CASZ1: variants seen among roughly 807,000 people sequenced by gnomAD.
CASZ1 encodes zinc finger protein castor homolog 1.
CASZ1 carries 28 observed loss-of-function variants against 135.2 expected under a neutral mutation model. That is an observed-to-expected ratio of 0.21 (90% CI 0.15 to 0.28). The LOEUF (loss-of-function observed/expected upper bound fraction) is 0.28, where lower values mean the gene tolerates loss of function less well. Ranked by LOEUF, CASZ1 falls within the 10% of genes least tolerant of loss-of-function variation. The probability of loss-of-function intolerance (pLI) is 1.00; values close to 1 mark genes in which losing one functional copy is unlikely to be tolerated. For synonymous variants in CASZ1, 1,068 were observed against 1,073.4 expected (o/e 0.99, Z 0.10); for missense variants, 2,161 against 2,453.3 (o/e 0.88, Z 2.52).
chr1:10,795,147 C>T (rs574632598), intron 1 of CASZ1, among the ~76,000 whole-genome samples: 43 of 152,278 alleles, frequency 2.8e-4, no homozygotes, highest in African/African-American at 9.1e-4. Context: ...TCACCCCGGG[C>T]GCACGAATCG....
chr1:10,645,253 G>A lies in CASZ1; in HGVS notation c.3697-165C>T, dbSNP rs115244300. 9.6e-3 allele frequency among the ~76,000 whole-genome samples: 1,455 copies of A among 152,326 alleles called. 35 individuals carry two copies. Among genetic ancestry groups the A allele is most frequent in the African/African-American group, 0.033 (1,372 of 41,572 alleles). ...ACATGTTAAAAAGCAGCGCAGGGCC[G>A]GGCGCGGTGGCTCACGCCTATAATC... On this transcript the variant is annotated intron_variant, in intron 17 of 20. Coordinates refer to ENST00000377022, the MANE Select transcript of CASZ1 (RefSeq NM_001079843.3).
At chr1:10,730,874 G>C (rs533410588) in intron 2 of CASZ1, among the ~76,000 whole-genome samples, 3 of 152,318 alleles carry the variant, frequency 2.0e-5, no homozygotes, top group African/African-American at 7.2e-5. Flanking sequence ...TTGGGAGGCT[G>C]AGGTGGGTGG....
At chr1:10,684,319 G>T (rs1016605221) in intron 4 of CASZ1, among the ~76,000 whole-genome samples, 3 of 152,162 alleles carry the variant, frequency 2.0e-5, no homozygotes, top group Non-Finnish European at 4.4e-5. Flanking sequence ...TTCTAGGCCG[G>T]GTCAAGCTTC....
chr1:10,781,223 C>A (rs1350933014), intron 1 of CASZ1, among the ~76,000 whole-genome samples: 1 of 152,242 alleles, frequency 6.6e-6, no homozygotes, highest in Non-Finnish European at 1.5e-5. Flanking sequence ...AGCACAGGCC[C>A]AGGCCAGCCC....
In CASZ1 at chr1:10,794,182, T is replaced by C. The variant is rs972669948; in HGVS notation, c.-234+2382A>G. 1.3e-5 allele frequency among the ~76,000 whole-genome samples: 2 copies of C among 149,372 alleles called. No homozygotes were observed. Among genetic ancestry groups the C allele is most frequent in the Non-Finnish European group, 3.0e-5 (2 of 67,654 alleles). On this transcript the variant is annotated intron_variant, in intron 1 of 20. Transcript: ENST00000377022. This position sits in a 1 kb window ranked among gnomAD's most constrained non-coding sequence, Gnocchi z 5.6. ...GCGTGTTTGTATGTGTATGCGTGTG[T>C]GTGTGTGTGTGTGTGTGCGCGCGCG...
At position 10,756,547 on chromosome 1, in the gene CASZ1, G is replaced by C. The variant is rs1422461726; in HGVS notation, c.-77+4154C>G. ...CCAGGGCGGCATGGGGCCTGTCCAG[G>C]GGCGCTGGGGATCACTGCTATCACA... On this transcript the variant is annotated intron_variant, in intron 2 of 20. Transcript: ENST00000377022. The surrounding 1 kb of genome is among the most constrained non-coding windows in gnomAD (Gnocchi z 5.9). Among the ~76,000 whole-genome samples the C allele has an allele frequency of 6.6e-6, 1 of 152,218 alleles. No homozygotes were observed. Among genetic ancestry groups the C allele is most frequent in the Non-Finnish European group, 1.5e-5 (1 of 68,036 alleles).
chr1:10,789,362 C>T lies in CASZ1; in HGVS notation c.-234+7202G>A, dbSNP rs570834926. ...GCCACTTCCCCAGGGCCTCTGCCTG[C>T]CCCCCGCACCCCCTCCTCTGCTGGC... On this transcript the variant is annotated intron_variant, in intron 1 of 20. Coordinates refer to ENST00000377022, the MANE Select transcript of CASZ1 (RefSeq NM_001079843.3). 7.5e-3 allele frequency among the ~76,000 whole-genome samples: 1,075 copies of T among 143,624 alleles called. 17 individuals are homozygous for T. The highest frequency in any genetic ancestry group is 0.026 in the African/African-American group (992 of 38,594). 94.2% of individuals were successfully genotyped at this position (143,624 alleles called of 152,430 possible). A position where few individuals can be genotyped will look rare whatever the true frequency, so the allele number is the denominator to read the frequency against.
rs116534553 is a variant in CASZ1, at chr1:10,747,291, T to A, written c.-77+13410A>T. On this transcript the variant is annotated intron_variant, in intron 2 of 20. Transcript: ENST00000377022. This position sits in a 1 kb window ranked among gnomAD's most constrained non-coding sequence, Gnocchi z 4.3. ...GTGGGGTCTGCAGAGAGAGGCAGGG[T>A]TCTGAATACGCTCATCTTTCGTAGA... Among the ~76,000 whole-genome samples the A allele has an allele frequency of 0.013, 2,021 of 152,228 alleles. 40 individuals are homozygous for A. The highest frequency in any genetic ancestry group is 0.041 in the African/African-American group (1,711 of 41,534).
Position 10,725,513 on chromosome 1 carries a change from C to T in CASZ1, c.-76-19969G>A, listed in dbSNP as rs888441859. ...TTATTGGATTTCTCAAAAAACCTGA[C>T]ATTTTAAATTAATTTACAGCCACAA... On this transcript the variant is annotated intron_variant, in intron 2 of 20. Coordinates refer to ENST00000377022, the MANE Select transcript of CASZ1 (RefSeq NM_001079843.3). This position sits in a 1 kb window ranked among gnomAD's most constrained non-coding sequence, Gnocchi z 4.4. Among the ~76,000 whole-genome samples, 2 of 152,236 alleles carry T rather than the reference C, an allele frequency of 1.3e-5. No individual in the cohort carries two copies. The highest frequency in any genetic ancestry group is 2.9e-5 in the Non-Finnish European group (2 of 68,044).
At chr1:10,768,145 C>CA (rs1012776868) in intron 1 of CASZ1, among the ~76,000 whole-genome samples, 25 of 152,348 alleles carry the variant, frequency 1.6e-4, no homozygotes, top group African/African-American at 6.0e-4. Context: ...GAGGCTCCCC[C>CA]AGGGGCCTCC....
At chr1:10,683,461 A>G (rs1003619463) in intron 4 of CASZ1, among the ~76,000 whole-genome samples, 1 of 152,180 alleles carries the variant, frequency 6.6e-6, no homozygotes, top group Non-Finnish European at 1.5e-5. Context: ...AAAGAAAGCC[A>G]GTGGAGACAC....
In CASZ1 at chr1:10,717,505, G is replaced by T. The variant is rs534844774; in HGVS notation, c.-76-11961C>A. Among the ~76,000 whole-genome samples, 12 of 151,888 alleles carry T rather than the reference G, an allele frequency of 7.9e-5. No individual in the cohort carries two copies. Among genetic ancestry groups the T allele is most frequent in the Admixed American group, 2.0e-4 (3 of 15,266 alleles). ...TGATAAAGCCATCAAATTCCTTATCGCACTGACACAAAGTGCATTTAAAGA... is the reference window on the plus strand; with the variant it reads ...TGATAAAGCCATCAAATTCCTTATCTCACTGACACAAAGTGCATTTAAAGA... On this transcript the variant is annotated intron_variant, in intron 2 of 20. Transcript: ENST00000377022. The surrounding 1 kb of genome is among the most constrained non-coding windows in gnomAD (Gnocchi z 4.6).
Position 10,701,926 on chromosome 1 carries a change from C to T in CASZ1, c.-24+3566G>A, listed in dbSNP as rs1440063883. On this transcript the variant is annotated intron_variant, in intron 3 of 20. Coordinates refer to ENST00000377022, the MANE Select transcript of CASZ1 (RefSeq NM_001079843.3). The surrounding 1 kb of genome is among the most constrained non-coding windows in gnomAD (Gnocchi z 6.3). The stretch of plus-strand genomic sequence containing the variant: ...TCTCCACCTCCCCCGGCCCATCCCC[C>T]GTTGGGCTGAGCCATCCTGCCTACT... 6.6e-6 allele frequency among the ~76,000 whole-genome samples: 1 copy of T among 152,246 alleles called. No homozygotes were observed. The highest frequency in any genetic ancestry group is 1.5e-5 in the Non-Finnish European group (1 of 68,030).
At position 10,709,347 on chromosome 1, in the gene CASZ1, T is replaced by C. The variant is rs1003270017; in HGVS notation, c.-76-3803A>G. Among the ~76,000 whole-genome samples, 2 of 152,014 alleles carry C rather than the reference T, an allele frequency of 1.3e-5. No individual in the cohort carries two copies. Among genetic ancestry groups the C allele is most frequent in the Admixed American group, 6.5e-5 (1 of 15,280 alleles). On this transcript the variant is annotated intron_variant, in intron 2 of 20. Transcript: ENST00000377022. The surrounding 1 kb of genome is among the most constrained non-coding windows in gnomAD (Gnocchi z 5.1). ...CGCACAGCCTCTCCCTGGCCAGCCC[T>C]TTCACAGGGGCTGGGGCCATGTCAG... is the stretch of plus-strand genomic sequence containing the variant.
rs529210438 is a variant in CASZ1 at position 10,777,060 on chromosome 1, C to G, written c.-233-16203G>C. Among the ~76,000 whole-genome samples, 2 of 152,206 alleles carry G rather than the reference C, an allele frequency of 1.3e-5. No individual in the cohort carries two copies. The highest frequency in any genetic ancestry group is 2.9e-5 in the Non-Finnish European group (2 of 68,034). ...TTCCAAATGGCTCAAATACTGGGTC[C>G]TAGTTCCAGATCTGTCACTGACTAG... is the stretch of plus-strand genomic sequence containing the variant. On this transcript the variant is annotated intron_variant, in intron 1 of 20. Transcript: ENST00000377022. This position sits in a 1 kb window ranked among gnomAD's most constrained non-coding sequence, Gnocchi z 4.4.
chr1:10,729,822 T>G (rs1010838176), intron 2 of CASZ1, among the ~76,000 whole-genome samples: 5 of 152,214 alleles, frequency 3.3e-5, no homozygotes, highest in Non-Finnish European at 7.3e-5. Context: ...TTTTATTTTT[T>G]TTTTTATTTT....
intron 1 of CASZ1, among the ~76,000 whole-genome samples, chr1:10,783,753 TC>T (rs1640804720): frequency 6.7e-6 from 1 of 149,240 alleles, no homozygotes; most frequent in Non-Finnish European, 1.5e-5. Flanking sequence ...ACGCCTGTAA[TC>T]CCAGCTACTC....
chr1:10,670,717 C>T (rs1047994736), intron 4 of CASZ1, among the ~76,000 whole-genome samples: 2 of 152,194 alleles, frequency 1.3e-5, no homozygotes, highest in Non-Finnish European at 2.9e-5. Context: ...ACAGGAGTGG[C>T]AGGTCTGGAG....
At chr1:10,743,806 T>C (rs985139973) in intron 2 of CASZ1, among the ~76,000 whole-genome samples, 1 of 137,012 alleles carries the variant, frequency 7.3e-6, no homozygotes, top group African/African-American at 2.8e-5. Flanking sequence ...GTCTTTTAGG[T>C]ACCCGATGAG....
Sources: allele counts gnomAD v4.1 joint callset (sites outside exome capture counted in the v4.1 genomes callset), GRCh38; gene constraint gnomAD v4.1.1; non-coding constraint Gnocchi (gnomAD v3.1); transcripts MANE v1.5; gene names NCBI Gene and HGNC (gene_info 2026-07-23, HGNC 2026-07-21).